Variants in ALOX5AP observed in about 807,000 individuals in gnomAD.
ALOX5AP encodes arachidonate 5-lipoxygenase activating protein.
Under a neutral mutation model 18.5 loss-of-function variants are expected in ALOX5AP, and 9 were observed. That is an observed-to-expected ratio of 0.49 (90% CI 0.29 to 0.85). The LOEUF is 0.85. ALOX5AP is among the 40% of genes least tolerant of loss of function. The pLI is 0.08. For synonymous variants in ALOX5AP, 81 were observed against 78.6 expected, an observed-to-expected ratio of 1.03 and a Z score of -0.16; for missense variants, 172 against 202.5, an observed-to-expected ratio of 0.85 and a Z score of 0.91.
At chr13:30,753,733 A>G (rs971710770) in intron 3 of ALOX5AP, among the ~76,000 whole-genome samples, 1 of 152,244 alleles carries the variant, frequency 6.6e-6, no homozygotes, top group Admixed American at 6.5e-5. Flanking sequence ...TGGTGCCAGC[A>G]GCCCACTTCC....
At chr13:30,718,091 C>T (rs942354655) in intron 1 of ALOX5AP, among the ~76,000 whole-genome samples, 2 of 151,914 alleles carry the variant, frequency 1.3e-5, no homozygotes, top group Non-Finnish European at 2.9e-5. Context: ...TCCCGAGTAG[C>T]TGGGATTACA....
chr13:30,713,594 T>A (rs1207005497), exon 1 of ALOX5AP: 3 of 668,298 alleles, frequency 4.5e-6, no homozygotes, highest in East Asian at 5.5e-5. Flanking sequence ...GCACCCCACC[T>A]TTGCCCCCTC....
chr13:30,745,584 T>C (rs1233760728), intron 2 of ALOX5AP, among the ~76,000 whole-genome samples: 1 of 152,162 alleles, frequency 6.6e-6, no homozygotes, highest in Non-Finnish European at 1.5e-5. Flanking sequence ...TATAGAGAGG[T>C]TTCTATTTTA....
In ALOX5AP at chr13:30,764,165, A is replaced by G. The variant is rs1951970629; in HGVS notation, c.*59A>G. 1.9e-6 allele frequency: 3 copies of G among 1,544,054 alleles called. No homozygotes were observed. On this transcript the variant is annotated 3_prime_UTR_variant, in exon 5 of 5. Coordinates refer to ENST00000380490, the MANE Select transcript of ALOX5AP (RefSeq NM_001629.4). ...TAATCAATACCTACAAGTCATCATA[A>G]TTCAGCTCTTGAGAGCATTCTGCTC...
At chr13:30,740,827 G>T (rs1467994184) in intron 1 of ALOX5AP, among the ~76,000 whole-genome samples, 1 of 152,152 alleles carries the variant, frequency 6.6e-6, no homozygotes, top group Non-Finnish European at 1.5e-5. Context: ...GGCATGGACA[G>T]GGTCAAGATC....
chr13:30,754,543 A>G lies in ALOX5AP; in HGVS notation c.242-1401A>G, dbSNP rs564693889. Among the ~76,000 whole-genome samples, 8 of 152,080 alleles carry G rather than the reference A, an allele frequency of 5.3e-5. No individual in the cohort carries two copies. The South Asian group carries it at 1.7e-3, about 31-fold the overall frequency. On this transcript the variant is annotated intron_variant, in intron 3 of 4. Transcript: ENST00000380490. The stretch of plus-strand genomic sequence containing the variant: ...CATATATCAGATTGAGCCATGTAAA[A>G]CTGCCAATATCTGGCTATTTATGAC...
upstream of ALOX5AP, among the ~76,000 whole-genome samples, chr13:30,731,548 T>C (rs1433107226): frequency 6.6e-6 from 1 of 152,116 alleles, no homozygotes; most frequent in African/African-American, 2.4e-5. Flanking sequence ...AATTTACTTT[T>C]GTAGAGTTGG....
At chr13:30,713,775 A>G (rs1173939947) in exon 1 of ALOX5AP, 1 of 1,535,724 alleles carries the variant, frequency 6.5e-7, no homozygotes, top group East Asian at 2.4e-5. Flanking sequence ...AAGACTCTGA[A>G]AACTTCTGAA....
At chr13:30,739,106 G>A (rs17239081) in intron 1 of ALOX5AP, among the ~76,000 whole-genome samples, 5,418 of 148,736 alleles carry the variant, frequency 0.036, 204 homozygotes, top group African/African-American at 0.092. Context: ...CGCCTCCACC[G>A]GCTGCTTCTT....
At position 30,763,964 on chromosome 13, in the gene ALOX5AP, G is replaced by A; in HGVS notation, c.344G>A (p.Gly115Glu). The A allele has an allele frequency of 6.2e-7, 1 of 1,613,684 alleles. No homozygotes were observed. Among genetic ancestry groups the A allele is most frequent in the East Asian group, 2.2e-5 (1 of 44,860 alleles). Residue 115 changes from glycine (G) to glutamate (E), a missense_variant, in exon 5 of 5, where the codon GGG becomes GAG. By Grantham distance (98) the Gly-to-Glu change is moderately conservative (BLOSUM62 -2). Transcript: ENST00000380490. ...TCCAGCACCCCTGGCTACATATTTG[G>A]GAAACGCATCATACTCTTCCTGTTC... is the stretch of plus-strand genomic sequence containing the variant. ...RTQSTPGYIF[G>E]KRIILFLFLM...
At chr13:30,744,500 A>G in intron 2 of ALOX5AP, 1 of 187,148 alleles carries the variant, frequency 5.3e-6, no homozygotes, top group South Asian at 9.9e-5. Context: ...AACACCAGCC[A>G]TGACTCACCA....
At chr13:30,760,528 A>G (rs890972813) in intron 4 of ALOX5AP, among the ~76,000 whole-genome samples, 20 of 152,206 alleles carry the variant, frequency 1.3e-4, no homozygotes, top group Non-Finnish European at 2.2e-4. Context: ...TGTAAGTTTT[A>G]TGCTGCCTGT....
chr13:30,735,558 T>C lies in ALOX5AP; in HGVS notation c.-48T>C. ...CTTCCCCTTCCTGTACAGGGCAGGT[T>C]GTGCAGCTGGAGGCAGAGCAGTCCT... On this transcript the variant is annotated 5_prime_UTR_variant, in exon 1 of 5. Coordinates refer to ENST00000380490, the MANE Select transcript of ALOX5AP (RefSeq NM_001629.4). 6.2e-7 allele frequency: 1 copy of C among 1,612,336 alleles called. No homozygotes were observed.
At chr13:30,727,668 TC>T (rs1951649321) in intron 1 of ALOX5AP, among the ~76,000 whole-genome samples, 1 of 152,188 alleles carries the variant, frequency 6.6e-6, no homozygotes, top group African/African-American at 2.4e-5. Flanking sequence ...TCACAGCTGT[TC>T]CAGCTTCTGC....
At chr13:30,729,455 A>C (rs1370712079) in intron 1 of ALOX5AP, among the ~76,000 whole-genome samples, 1 of 152,210 alleles carries the variant, frequency 6.6e-6, no homozygotes, top group Non-Finnish European at 1.5e-5. Context: ...CATGAATTTT[A>C]ATCCTGTTAG....
chr13:30,728,336 CACTCAGTTTGT>C (rs1951654650), intron 1 of ALOX5AP, among the ~76,000 whole-genome samples: 1 of 152,146 alleles, frequency 6.6e-6, no homozygotes, highest in Non-Finnish European at 1.5e-5. Context: ...TGTTTTAAGC[CACTCAGTTTGT>C]GCTACTTTGT....
At chr13:30,734,004 G>T (rs571618844), upstream of ALOX5AP, among the ~76,000 whole-genome samples, 1 of 152,282 alleles carries the variant, frequency 6.6e-6, no homozygotes, top group East Asian at 1.9e-4. Context: ...TCCACCAGCA[G>T]CTTTTCTGAG....
intron 1 of ALOX5AP, among the ~76,000 whole-genome samples, chr13:30,737,295 T>C (rs1259892686): frequency 6.6e-6 from 1 of 152,172 alleles, no homozygotes; most frequent in East Asian, 1.9e-4. Context: ...CAAGGACAGG[T>C]TCTCCTCACC....
chr13:30,732,398 G>C (rs190861695), upstream of ALOX5AP, among the ~76,000 whole-genome samples: 1 of 152,204 alleles, frequency 6.6e-6, no homozygotes, highest in African/African-American at 2.4e-5. Flanking sequence ...AGACAGAAGC[G>C]TGTAGGATAG....
Sources: gnomAD v4.1 joint callset for allele counts (sites outside exome capture counted in the v4.1 genomes callset) on GRCh38, gnomAD v4.1.1 for gene constraint, MANE v1.5 for transcripts, NCBI Gene and HGNC (gene_info 2026-07-23, HGNC 2026-07-21) for gene names.